The following PLOD2 variants were observed in gnomAD, a reference collection of about 807,000 sequenced individuals.
PLOD2 encodes procollagen-lysine,2-oxoglutarate 5-dioxygenase 2.
Under a neutral mutation model 101.0 loss-of-function variants are expected in PLOD2, and 65 were observed. That is an observed-to-expected ratio of 0.64 (90% CI 0.53 to 0.79). The LOEUF is 0.79. Among genes scored for constraint, PLOD2 ranks in the 30% least tolerant of loss-of-function variants. The pLI is 0.00. For missense variants in PLOD2, 909 were observed against 914.6 expected, an observed-to-expected ratio of 0.99 and a Z score of 0.08; for synonymous variants, 314 against 302.9, an observed-to-expected ratio of 1.04 and a Z score of -0.38.
intron 7 of PLOD2, among the ~76,000 whole-genome samples, chr3:146,092,383 A>G (rs939766458): frequency 1.3e-5 from 2 of 152,024 alleles, no homozygotes; most frequent in African/African-American, 2.4e-5. Flanking sequence ...ATAAATACTA[A>G]GTAAGCTTTG....
intron 1 of PLOD2, among the ~76,000 whole-genome samples, chr3:146,154,447 G>T (rs2108146514): frequency 6.7e-6 from 1 of 149,112 alleles, no homozygotes; most frequent in East Asian, 2.0e-4. Context: ...ACTCCCTTGT[G>T]AGAAGACTAA....
At chr3:146,110,731 A>G (rs1324796344) in intron 3 of PLOD2, among the ~76,000 whole-genome samples, 1 of 152,172 alleles carries the variant, frequency 6.6e-6, no homozygotes, top group Non-Finnish European at 1.5e-5. Context: ...CCCAAATTGA[A>G]ATTCTGAAAC....
chr3:146,089,334 C>T (rs192653994), intron 8 of PLOD2, among the ~76,000 whole-genome samples: 17 of 151,378 alleles, frequency 1.1e-4, no homozygotes, highest in Admixed American at 1.1e-3. Context: ...ATTAATTGCA[C>T]AAACAATTCT....
chr3:146,116,741 A>G (rs1026150983), intron 3 of PLOD2, among the ~76,000 whole-genome samples: 13 of 152,130 alleles, frequency 8.5e-5, no homozygotes, highest in African/African-American at 3.1e-4. Context: ...GCCATGCACA[A>G]AAAGACAGTA....
At chr3:146,129,188 C>T (rs1056461864) in intron 1 of PLOD2, among the ~76,000 whole-genome samples, 5 of 152,064 alleles carry the variant, frequency 3.3e-5, no homozygotes, top group African/African-American at 9.6e-5. Flanking sequence ...AAAATGTTTT[C>T]GTAGTAAAAG....
In PLOD2 at chr3:146,072,611, A is replaced by G. The variant is rs772058882; in HGVS notation, c.1798T>C (p.Leu600=). ...PIFSEKACDE[L]VEEMEHYGKW... ...CCGTAATGTTCCATTTCTTCTACCAATTCATCACAGGCTTTTTCAGAAAAT... is the reference window on the plus strand; with the variant it reads ...CCGTAATGTTCCATTTCTTCTACCAGTTCATCACAGGCTTTTTCAGAAAAT... Residue 600 remains leucine (L), a synonymous_variant, in exon 17 of 20, where the codon TTG becomes CTG. Transcript: ENST00000282903. 256 of 1,610,854 alleles carry G rather than the reference A, an allele frequency of 1.6e-4. No individual in the cohort carries two copies. The highest frequency in any genetic ancestry group is 2.1e-4 in the Non-Finnish European group (249 of 1,177,820).
chr3:146,133,323 A>C (rs997643335), intron 1 of PLOD2, among the ~76,000 whole-genome samples: 3 of 152,214 alleles, frequency 2.0e-5, no homozygotes, highest in Non-Finnish European at 2.9e-5. Context: ...GTGACATTTA[A>C]ATAAATTTAC....
intron 1 of PLOD2, among the ~76,000 whole-genome samples, chr3:146,142,025 A>C (rs1282182651): frequency 6.6e-6 from 1 of 152,130 alleles, no homozygotes; most frequent in East Asian, 1.9e-4. Flanking sequence ...CCAGAGAGTT[A>C]GAAAATTGGC....
At chr3:146,098,450 A>G (rs2108046238) in intron 7 of PLOD2, among the ~76,000 whole-genome samples, 1 of 152,308 alleles carries the variant, frequency 6.6e-6, no homozygotes, top group East Asian at 1.9e-4. Context: ...TTTTAAATAA[A>G]ATGTTAATTA....
chr3:146,088,811 A>G (rs935447637), intron 8 of PLOD2, 100 bp from the exon 9 acceptor site: 2 of 1,012,418 alleles, frequency 2.0e-6, no homozygotes, highest in African/African-American at 1.6e-5. Flanking sequence ...AAATACTAGA[A>G]TATCAATTCA....
At position 146,159,237 on chromosome 3, in the gene PLOD2, G is replaced by C. The variant is rs79993382; in HGVS notation, c.109+1644C>G. ...AGATTTAAACAGTGGGTTTCATGTG[G>C]TCGTTTCCTGAGGAAACTTTCATAC... On this transcript the variant is annotated intron_variant, in intron 1 of 19. Coordinates refer to ENST00000282903, the MANE Select transcript of PLOD2 (RefSeq NM_182943.3). Among the ~76,000 whole-genome samples, 571 of 152,320 alleles carry C rather than the reference G, an allele frequency of 3.7e-3. 5 individuals are homozygous for C. The highest frequency in any genetic ancestry group is 0.013 in the African/African-American group (549 of 41,566).
intron 2 of PLOD2, chr3:146,123,339 CAAGT>C (rs1410323664): frequency 9.7e-7 from 1 of 1,028,672 alleles, no homozygotes; most frequent in Non-Finnish European, 1.2e-6. Flanking sequence ...TTAAAAAAAA[CAAGT>C]AAGTAAATAA....
chr3:146,144,699 T>A (rs984687664), intron 1 of PLOD2, among the ~76,000 whole-genome samples: 2 of 152,058 alleles, frequency 1.3e-5, no homozygotes. Flanking sequence ...AAATGTTACT[T>A]AAAAATCATG....
chr3:146,137,030 C>A (rs1002347597), intron 1 of PLOD2, among the ~76,000 whole-genome samples: 2 of 152,134 alleles, frequency 1.3e-5, no homozygotes, highest in African/African-American at 4.8e-5. Context: ...CAATGAAGTT[C>A]TTTGGTTCCA....
chr3:146,079,381 T>C, intron 12 of PLOD2, 124 bp from the exon 13 acceptor site: 1 of 700,392 alleles, frequency 1.4e-6, no homozygotes, highest in Non-Finnish European at 2.5e-6. Flanking sequence ...TGAATCAACA[T>C]ACAAATATAT....
intron 1 of PLOD2, among the ~76,000 whole-genome samples, chr3:146,136,718 A>T (rs182675655): frequency 1.3e-5 from 2 of 152,328 alleles, no homozygotes; most frequent in Admixed American, 6.5e-5. Context: ...TAGATACACA[A>T]ATACCATTGT....
intron 1 of PLOD2, among the ~76,000 whole-genome samples, chr3:146,154,801 GA>G (rs1258419848): frequency 6.6e-6 from 1 of 151,988 alleles, no homozygotes; most frequent in African/African-American, 2.4e-5. Context: ...ATCAAGGCCT[GA>G]AAAAAATGCA....
At chr3:146,160,453 A>C (rs2032517815) in intron 1 of PLOD2, among the ~76,000 whole-genome samples, 1 of 152,138 alleles carries the variant, frequency 6.6e-6, no homozygotes, top group African/African-American at 2.4e-5. Context: ...TGCTGGAAGG[A>C]ATGTGTCACC....
intron 2 of PLOD2, among the ~76,000 whole-genome samples, chr3:146,122,394 G>A (rs536297511): frequency 3.9e-5 from 6 of 152,230 alleles, no homozygotes; most frequent in South Asian, 2.1e-4. Context: ...TGGACCCAAC[G>A]ACATCTGAGA....
Sources: gnomAD v4.1 joint callset for allele counts (sites outside exome capture counted in the v4.1 genomes callset) on GRCh38, gnomAD v4.1.1 for gene constraint, MANE v1.5 for transcripts, NCBI Gene and HGNC (gene_info 2026-07-23, HGNC 2026-07-21) for gene names.